CRMP1: variants seen among roughly 807,000 people sequenced by gnomAD.
CRMP1 encodes dihydropyrimidinase-related protein 1.
A neutral mutation model predicts 68.3 loss-of-function variants in CRMP1; 19 were observed. The ratio of observed to expected loss-of-function variants is 0.28; its 90% CI spans 0.19 to 0.41. The LOEUF is 0.41. Among genes scored for constraint, CRMP1 ranks in the 10% least tolerant of loss-of-function variants. The probability of loss-of-function intolerance (pLI) is 1.00; values close to 1 mark genes in which losing one functional copy is unlikely to be tolerated. For missense variants in CRMP1, 791 were observed against 967.4 expected (o/e 0.82, Z 2.42); for synonymous variants, 439 against 399.6 (o/e 1.10, Z -1.18).
chr4:5,849,274 G>T, intron 6 of CRMP1, 118 bp downstream of exon 6: 1 of 796,980 alleles, frequency 1.3e-6, no homozygotes, highest in Non-Finnish European at 2.1e-6. Flanking sequence ...ATGACACCCA[G>T]TTCCTGGCTT....
chr4:5,821,804 C>T lies in CRMP1; in HGVS notation c.2017G>A (p.Val673Met), dbSNP rs1718611012. Residue 673 changes from valine to methionine, a missense_variant, in exon 14 of 14, where the codon GTG (valine) becomes ATG (methionine). By Grantham distance (21) the Val-to-Met change is conservative. Transcript: ENST00000324989. The surrounding 1 kb of genome is among the most constrained non-coding windows in gnomAD (Gnocchi z 4.4). ...NNPRRTGHRI[V>M]APPGGRSNIT... is the part of the protein sequence containing the mutation. ...TTGGAGCGGCCACCAGGGGGCGCCA[C>T]GATGCGGTGGCCGGTGCGCCTGGGA... The T allele has an allele frequency of 1.9e-6, 3 of 1,611,598 alleles. No homozygotes were observed. The highest frequency in any genetic ancestry group is 2.5e-6 in the Non-Finnish European group (3 of 1,179,234).
At chr4:5,828,729 T>G in intron 11 of CRMP1, 61 bp from the exon 12 acceptor site, 1 of 1,561,304 alleles carries the variant, frequency 6.4e-7, no homozygotes. Context: ...GAGCTGTTCA[T>G]AACAGCGATT....
At position 5,888,120 on chromosome 4, in the gene CRMP1, G is replaced by T; in HGVS notation, c.381+4469C>A. 1.7e-6 allele frequency: 2 copies of T among 1,192,670 alleles called. No individual in the cohort carries two copies. The highest frequency in any genetic ancestry group is 3.3e-5 in the East Asian group (1 of 30,496). 73.9% of individuals were successfully genotyped at this position (1,192,670 alleles called of 1,614,324 possible). Reference sequence around the variant, plus strand: ...CCGCCCCACCCGCGGCGACGCAGGAGGCCTCGGGGGGCGCCCCTGCCGGCG... The same window carrying T: ...CCGCCCCACCCGCGGCGACGCAGGATGCCTCGGGGGGCGCCCCTGCCGGCG... On this transcript the variant is annotated intron_variant, in intron 1 of 13. Transcript: ENST00000324989. The surrounding 1 kb of genome is among the most constrained non-coding windows in gnomAD (Gnocchi z 6.4).
At chr4:5,864,438 C>A (rs1713831113) in intron 2 of CRMP1, among the ~76,000 whole-genome samples, 1 of 152,274 alleles carries the variant, frequency 6.6e-6, no homozygotes, top group African/African-American at 2.4e-5. Context: ...CACCCCCAAT[C>A]TGCCTTCCTG....
intron 1 of CRMP1, among the ~76,000 whole-genome samples, chr4:5,868,269 A>ATATC (rs1560513221): frequency 3.5e-4 from 6 of 17,180 alleles, no homozygotes; most frequent in East Asian, 4.3e-3. Context: ...ATCTATATAT[A>ATATC]TATATATATA....
chr4:5,869,460 A>G (rs896737772), intron 1 of CRMP1, among the ~76,000 whole-genome samples: 16 of 152,056 alleles, frequency 1.1e-4, no homozygotes, highest in Non-Finnish European at 1.9e-4. Flanking sequence ...AGGCAGGTGG[A>G]TCACGAGGTC....
chr4:5,831,821 T>A (rs1577748219), intron 11 of CRMP1, among the ~76,000 whole-genome samples: 2 of 152,152 alleles, frequency 1.3e-5, no homozygotes, highest in South Asian at 2.1e-4. Context: ...ATGTAAAAAT[T>A]TAAACAACAC....
In CRMP1 at chr4:5,840,105, T is replaced by C. The variant is rs1272953537; in HGVS notation, c.1154-427A>G. On this transcript the variant is annotated intron_variant, in intron 8 of 13. Transcript: ENST00000324989. ...GATTCCAGGAAACACTGGCTGGGGA[T>C]TGAGGAAGTGACATAAGGCAGGGAA... Among the ~76,000 whole-genome samples the C allele has an allele frequency of 2.0e-5, 3 of 152,072 alleles. No individual in the cohort carries two copies. The East Asian group carries it at 5.8e-4, about 29-fold the overall frequency.
Position 5,872,789 on chromosome 4 carries a change from T to C in CRMP1, c.382-6033A>G, listed in dbSNP as rs1267301077. On this transcript the variant is annotated intron_variant, in intron 1 of 13. Transcript: ENST00000324989. The surrounding 1 kb of genome is among the most constrained non-coding windows in gnomAD (Gnocchi z 4.6). The stretch of plus-strand genomic sequence containing the variant: ...TTGATTAGCTAGGGCATGTCAGAGA[T>C]ACAGTTCGTTCCACAGCGACAGCAA... Among the ~76,000 whole-genome samples, 2 of 152,230 alleles carry C rather than the reference T, an allele frequency of 1.3e-5. No individual in the cohort carries two copies. The highest frequency in any genetic ancestry group is 2.9e-5 in the Non-Finnish European group (2 of 68,040).
chr4:5,834,828 G>A lies in CRMP1; in HGVS notation c.1623+1087C>T, dbSNP rs766086984. Reference sequence around the variant, plus strand: ...TGGAGATGGGGGCTGTGGGAAGCAAGTAGTGTTACCAGGGAGCATTGTGTA... The same window carrying A: ...TGGAGATGGGGGCTGTGGGAAGCAAATAGTGTTACCAGGGAGCATTGTGTA... On this transcript the variant is annotated intron_variant, in intron 11 of 13. Coordinates refer to ENST00000324989, the MANE Select transcript of CRMP1 (RefSeq NM_001014809.3). This position sits in a 1 kb window ranked among gnomAD's most constrained non-coding sequence, Gnocchi z 4.3. Among the ~76,000 whole-genome samples, 1 of 152,222 alleles carries A rather than the reference G, an allele frequency of 6.6e-6. No individual in the cohort carries two copies. The highest frequency in any genetic ancestry group is 1.5e-5 in the Non-Finnish European group (1 of 68,040).
rs1187156288 is a variant in CRMP1 at position 5,820,914 on chromosome 4, G to C, written c.*846C>G. 1 of 152,196 alleles carries C rather than the reference G, an allele frequency of 6.6e-6. No individual in the cohort carries two copies. The highest frequency in any genetic ancestry group is 2.4e-5 in the African/African-American group (1 of 41,452). The allele number at this position is 152,196 out of a possible 1,614,324, so 9.4% of individuals were successfully genotyped here. A position where few individuals can be genotyped will look rare whatever the true frequency, so the allele number is the denominator to read the frequency against. On this transcript the variant is annotated 3_prime_UTR_variant, in exon 14 of 14. Transcript: ENST00000324989. ...ACTTTGTACAAAACTTTAAAAATCT[G>C]ACTGCCCCGTCAACTGCCTCAGAGG...
At position 5,877,637 on chromosome 4, in the gene CRMP1, C is replaced by G. The variant is rs1231447988; in HGVS notation, c.382-10881G>C. 6.6e-6 allele frequency among the ~76,000 whole-genome samples: 1 copy of G among 152,246 alleles called. No homozygotes were observed. The highest frequency in any genetic ancestry group is 1.5e-5 in the Non-Finnish European group (1 of 68,048). ...CCGGTATGAGCCTGAATCTAATTAA[C>G]ACACATTCGTTCCCCCTCTCACGGG... On this transcript the variant is annotated intron_variant, in intron 1 of 13. Transcript: ENST00000324989. This position sits in a 1 kb window ranked among gnomAD's most constrained non-coding sequence, Gnocchi z 4.3.
At position 5,833,352 on chromosome 4, in the gene CRMP1, G is replaced by C. The variant is rs1320860141; in HGVS notation, c.1623+2563C>G. 2.7e-5 allele frequency among the ~76,000 whole-genome samples: 3 copies of C among 109,468 alleles called. No homozygotes were observed. In the East Asian group the frequency reaches 7.1e-4, roughly 26 times the overall value. 71.8% of individuals were successfully genotyped at this position (109,468 alleles called of 152,430 possible). On this transcript the variant is annotated intron_variant, in intron 11 of 13. Coordinates refer to ENST00000324989, the MANE Select transcript of CRMP1 (RefSeq NM_001014809.3). Reference sequence around the variant, plus strand: ...CGGCTAATTTTTTGTATTTTTAGTAGAGACAGGGTTTCACCGTTTTAGCCG... The same window carrying C: ...CGGCTAATTTTTTGTATTTTTAGTACAGACAGGGTTTCACCGTTTTAGCCG...
intron 2 of CRMP1, among the ~76,000 whole-genome samples, chr4:5,863,106 CTTT>C (rs1204890806): frequency 9.1e-6 from 1 of 110,470 alleles, no homozygotes; most frequent in Non-Finnish European, 2.1e-5. Context: ...GACCTTTTTT[CTTT>C]TTTTCCTTTT....
chr4:5,851,307 A>G, intron 5 of CRMP1, 101 bp downstream of exon 5: 1 of 1,057,906 alleles, frequency 9.5e-7, no homozygotes, highest in Admixed American at 1.7e-5. Flanking sequence ...CTCGAATCCC[A>G]CGGCTTCTCA....
In CRMP1 at chr4:5,865,242, G is replaced by C. The variant is rs1283144429; in HGVS notation, c.470+1426C>G. Among the ~76,000 whole-genome samples the C allele has an allele frequency of 1.3e-5, 2 of 151,974 alleles. No individual in the cohort carries two copies. The highest frequency in any genetic ancestry group is 4.8e-5 in the African/African-American group (2 of 41,346). On this transcript the variant is annotated intron_variant, in intron 2 of 13. Transcript: ENST00000324989. The surrounding 1 kb of genome is among the most constrained non-coding windows in gnomAD (Gnocchi z 4.1). ...AACAGTGTCCTTCTCTTCTCTTCCAGATTTCAAGGGAAGAGGCTGAGCACC... is the reference window on the plus strand; with the variant it reads ...AACAGTGTCCTTCTCTTCTCTTCCACATTTCAAGGGAAGAGGCTGAGCACC...
intron 1 of CRMP1, among the ~76,000 whole-genome samples, chr4:5,868,273 A>C (rs778614004): frequency 0.045 from 1,642 of 36,770 alleles, 26 homozygotes; most frequent in Middle Eastern, 0.15. Flanking sequence ...ATATATATAT[A>C]TATATATATA....
At chr4:5,887,435 C>G (rs1361376692) in intron 1 of CRMP1, 1 of 985,428 alleles carries the variant, frequency 1.0e-6, no homozygotes, top group Non-Finnish European at 1.2e-6. Flanking sequence ...AGGCTCCACG[C>G]TGATGCCAGG....
intron 13 of CRMP1, chr4:5,824,198 A>G: frequency 1.9e-5 from 13 of 689,214 alleles, no homozygotes; most frequent in Non-Finnish European, 2.3e-5. Flanking sequence ...CCAGTTTGCA[A>G]ACTCCTTGAG....
Sources: gnomAD v4.1 joint callset for allele counts (sites outside exome capture counted in the v4.1 genomes callset) on GRCh38, gnomAD v4.1.1 for gene constraint, Gnocchi (gnomAD v3.1) non-coding constraint, MANE v1.5 for transcripts, NCBI Gene and HGNC (gene_info 2026-07-23, HGNC 2026-07-21) for gene names.